The following BRWD1 variants were observed in gnomAD, a reference collection of about 807,000 sequenced individuals.
BRWD1 encodes the protein bromodomain and WD repeat-containing protein 1.
Under a neutral mutation model 251.2 loss-of-function variants are expected in BRWD1, and 82 were observed. The observed-to-expected ratio is 0.33, with a 90% CI of 0.27 to 0.39. BRWD1 has a LOEUF of 0.39. Ranked by LOEUF, BRWD1 falls within the 10% of genes least tolerant of loss-of-function variation. The probability of loss-of-function intolerance (pLI) is 1.00; values close to 1 mark genes in which losing one functional copy is unlikely to be tolerated. For synonymous variants in BRWD1, 918 were observed against 902.8 expected, an observed-to-expected ratio of 1.02 and a Z score of -0.30; for missense variants, 2,233 against 2,711.6, an observed-to-expected ratio of 0.82 and a Z score of 3.92.
At chr21:39,221,703 A>G (rs1299891414) in intron 29 of BRWD1, among the ~76,000 whole-genome samples, 2 of 152,224 alleles carry the variant, frequency 1.3e-5, no homozygotes, top group Non-Finnish European at 2.9e-5. Flanking sequence ...TGGGAGGCCA[A>G]CGCAGGCATA....
intron 40 of BRWD1, 30 bp from the exon 41 acceptor site, chr21:39,197,445 T>G (rs2031880998): frequency 1.3e-6 from 2 of 1,494,098 alleles, no homozygotes; most frequent in Non-Finnish European, 1.8e-6. Context: ...TTTCTATTAA[T>G]CTTTTGTAAG....
In BRWD1 at chr21:39,187,458, G is replaced by A. The variant is rs1480269021; in HGVS notation, c.*8801C>T. ...AAGTTCATGTAAATGCAAAAATCTT[G>A]TAACACAAGATTTTACTACTGCTAA... On this transcript the variant is annotated 3_prime_UTR_variant, in exon 41 of 41. Transcript: ENST00000342449. 2 of 1,510,954 alleles carry A rather than the reference G, an allele frequency of 1.3e-6. No individual in the cohort carries two copies. Among genetic ancestry groups the A allele is most frequent in the East Asian group, 2.3e-5 (1 of 43,316 alleles). The allele number at this position is 1,510,954 out of a possible 1,614,324, so 93.6% of individuals were successfully genotyped here.
In BRWD1 at chr21:39,280,134, T is replaced by C. The variant is rs769717499; in HGVS notation, c.932+14A>G. 5.1e-6 allele frequency: 8 copies of C among 1,563,094 alleles called. No homozygotes were observed. The highest frequency in any genetic ancestry group is 4.5e-5 in the East Asian group (2 of 44,200). ...TTAAAAAACAAAACCTGTTACATAA[T>C]TAAAGCCACTTACCTAAATTTTAAG... On this transcript the variant is annotated intron_variant, in intron 9 of 40. Coordinates refer to ENST00000342449, the MANE Select transcript of BRWD1 (RefSeq NM_033656.4).
At chr21:39,284,935 T>C (rs1380300005) in intron 8 of BRWD1, among the ~76,000 whole-genome samples, 2 of 152,238 alleles carry the variant, frequency 1.3e-5, no homozygotes, top group Non-Finnish European at 1.5e-5. Flanking sequence ...TGTAATCCCA[T>C]TTGTCTGTTT....
intron 8 of BRWD1, among the ~76,000 whole-genome samples, chr21:39,285,013 A>C (rs2035587943): frequency 6.6e-6 from 1 of 152,214 alleles, no homozygotes; most frequent in Non-Finnish European, 1.5e-5. Context: ...TTGAAGAGAT[A>C]ATTGCACTCC....
chr21:39,254,341 A>G (rs1259849088), intron 19 of BRWD1, among the ~76,000 whole-genome samples: 1 of 152,258 alleles, frequency 6.6e-6, no homozygotes, highest in East Asian at 1.9e-4. Flanking sequence ...AAAATTTACA[A>G]GATGAACTAT....
Position 39,232,186 on chromosome 21 carries a change from C to T in BRWD1, c.2991G>A (p.Met997Ile). 1 of 1,604,826 alleles carries T rather than the reference C, an allele frequency of 6.2e-7. No individual in the cohort carries two copies. Among genetic ancestry groups the T allele is most frequent in the Non-Finnish European group, 8.5e-7 (1 of 1,172,648 alleles). The change falls in exon 25 of 41, where the codon ATG becomes ATA. Residue 997 changes from methionine to isoleucine, a missense_variant. By Grantham distance (10) the Met-to-Ile change is conservative. Transcript: ENST00000342449. ...LNPNKEPWRK[M>I]DLRDQELVKI... ...AATGCCATCATCCTACCCTAAGATC[C>T]ATTTTTCTCCATGGCTCCTTATTAG...
chr21:39,221,187 G>C lies in BRWD1; in HGVS notation c.3383-2527C>G, dbSNP rs115008232. ...AAAAAAAAAAAAAAAATTCAAAAGAGCACAATATGTGTTATTCATTTCTGA... is the reference window on the plus strand; with the variant it reads ...AAAAAAAAAAAAAAAATTCAAAAGACCACAATATGTGTTATTCATTTCTGA... On this transcript the variant is annotated intron_variant, in intron 29 of 40. Transcript: ENST00000342449. Among the ~76,000 whole-genome samples, 768 of 148,632 alleles carry C rather than the reference G, an allele frequency of 5.2e-3. 9 individuals are homozygous for C. Among genetic ancestry groups the C allele is most frequent in the African/African-American group, 0.017 (700 of 40,504 alleles).
In BRWD1 at chr21:39,229,447, C is replaced by T. The variant is rs1264905021; in HGVS notation, c.3001-11G>A. On this transcript the variant is annotated splice_polypyrimidine_tract_variant and intron_variant, in intron 25 of 40. Coordinates refer to ENST00000342449, the MANE Select transcript of BRWD1 (RefSeq NM_033656.4). ...AACCAATTCTTGATCCTTTAACAGA[C>T]ATATTTTTTAATGGTTAAAATAAAA... The T allele has an allele frequency of 6.3e-7, 1 of 1,598,736 alleles. No homozygotes were observed. The highest frequency in any genetic ancestry group is 1.3e-5 in the African/African-American group (1 of 74,410).
At chr21:39,273,867 T>C (rs371811369) in intron 13 of BRWD1, among the ~76,000 whole-genome samples, 94 of 152,328 alleles carry the variant, frequency 6.2e-4, no homozygotes, top group African/African-American at 2.2e-3. Flanking sequence ...AAACAAACTC[T>C]AAAGTAAAAT....
chr21:39,188,567 A>G lies in BRWD1; in HGVS notation c.*7692T>C. 1 of 985,378 alleles carries G rather than the reference A, an allele frequency of 1.0e-6. No individual in the cohort carries two copies. The highest frequency in any genetic ancestry group is 1.2e-6 in the Non-Finnish European group (1 of 829,878). The allele number at this position is 985,378 out of a possible 1,614,324, so 61.0% of individuals were successfully genotyped here. A position where few individuals can be genotyped will look rare whatever the true frequency, so the allele number is the denominator to read the frequency against. On this transcript the variant is annotated 3_prime_UTR_variant, in exon 41 of 41. Coordinates refer to ENST00000342449, the MANE Select transcript of BRWD1 (RefSeq NM_033656.4). ...GTGAAGATGTTTGCCCTTCTGTCAC[A>G]AAGCTGACTGAAGGGCAGATGAGTA...
intron 22 of BRWD1, among the ~76,000 whole-genome samples, chr21:39,238,003 T>C (rs1249588545): frequency 6.6e-6 from 1 of 152,032 alleles, no homozygotes; most frequent in African/African-American, 2.4e-5. Context: ...GAGAATTTTC[T>C]AGCCATGTTA....
chr21:39,275,691 C>T (rs1195769541), intron 12 of BRWD1, among the ~76,000 whole-genome samples: 1 of 152,062 alleles, frequency 6.6e-6, no homozygotes, highest in Non-Finnish European at 1.5e-5. Flanking sequence ...ATTAAAACAC[C>T]ACAGTGTACT....
downstream of BRWD1, chr21:39,185,310 A>T (rs1236903911): frequency 1.3e-5 from 2 of 150,564 alleles, no homozygotes; most frequent in African/African-American, 4.9e-5. Flanking sequence ...AAAAAAAAAA[A>T]AAAAAAAAAA....
chr21:39,241,486 A>AAAAAAAAAAAAAAAAAAAAAAAAAAAATT, intron 21 of BRWD1, among the ~76,000 whole-genome samples: 1 of 51,660 alleles, frequency 1.9e-5, no homozygotes, highest in Non-Finnish European at 4.6e-5. Context: ...AAAAAAAAAA[A>AAAAAAAAAAAAAAAAAAAAAAAAAAAATT]AAAAAAAAAA....
At chr21:39,224,127 G>A (rs1029918935) in intron 29 of BRWD1, among the ~76,000 whole-genome samples, 4 of 152,240 alleles carry the variant, frequency 2.6e-5, no homozygotes, top group Admixed American at 1.3e-4. Flanking sequence ...TGAGATTACA[G>A]GCGTGAGCCA....
Position 39,217,855 on chromosome 21 carries a change from C to A in BRWD1, c.3659+297G>T, listed in dbSNP as rs1379556360. On this transcript the variant is annotated intron_variant, in intron 31 of 40. Coordinates refer to ENST00000342449, the MANE Select transcript of BRWD1 (RefSeq NM_033656.4). ...AATCATGTATGAGGATAGAAAAATT[C>A]TCATTACTAAAGTACCAGTGAAAGT... Among the ~76,000 whole-genome samples the A allele has an allele frequency of 5.3e-5, 8 of 151,806 alleles. 1 individual carries two copies. Among genetic ancestry groups the A allele is most frequent in the Admixed American group, 5.3e-4 (8 of 15,230 alleles).
intron 4 of BRWD1, chr21:39,312,464 G>A (rs2036520545): frequency 5.6e-6 from 1 of 179,028 alleles, no homozygotes; most frequent in Non-Finnish European, 1.2e-5. Flanking sequence ...CAAGAGCAGC[G>A]AGGCCAATCA....
At chr21:39,234,388 G>A (rs1379001273) in intron 23 of BRWD1, among the ~76,000 whole-genome samples, 10 of 152,136 alleles carry the variant, frequency 6.6e-5, no homozygotes, top group Admixed American at 6.5e-4. Context: ...AAGAAGGCAT[G>A]GAAAGCTTAA....
Sources: gnomAD v4.1 joint callset for allele counts (sites outside exome capture counted in the v4.1 genomes callset) on GRCh38, gnomAD v4.1.1 for gene constraint, MANE v1.5 for transcripts, NCBI Gene and HGNC (gene_info 2026-07-23, HGNC 2026-07-21) for gene names.